Variants in UBE2Z observed in about 807,000 individuals in gnomAD.
UBE2Z encodes the protein ubiquitin-conjugating enzyme E2 Z.
UBE2Z carries 10 observed loss-of-function variants against 32.6 expected under a neutral mutation model. The ratio of observed to expected loss-of-function variants is 0.31; its 90% CI spans 0.19 to 0.52. The LOEUF is 0.52. UBE2Z is among the 20% of genes least tolerant of loss of function. The pLI, the probability that UBE2Z is intolerant of heterozygous loss-of-function variation, is 0.97. For missense variants in UBE2Z, 343 were observed against 480.9 expected (o/e 0.71, Z 2.68); for synonymous variants, 183 against 190.8 (o/e 0.96, Z 0.34).
At chr17:48,910,767 C>T (rs752701308) in intron 1 of UBE2Z, 41 bp from the exon 2 acceptor site, 5 of 1,496,850 alleles carry the variant, frequency 3.3e-6, no homozygotes, top group Non-Finnish European at 3.7e-6. Context: ...CTTTCCCCCT[C>T]TTCCTCACTC....
chr17:48,915,799 C>T (rs899654898), intron 3 of UBE2Z: 1 of 352,966 alleles, frequency 2.8e-6, no homozygotes, highest in Non-Finnish European at 5.1e-6. Context: ...TTTTGATTGT[C>T]GTAACTGTTT....
chr17:48,924,204 G>A (rs184894556), intron 6 of UBE2Z, among the ~76,000 whole-genome samples: 1 of 152,260 alleles, frequency 6.6e-6, no homozygotes, highest in East Asian at 1.9e-4. Context: ...CCTGGGTTCA[G>A]GTGATCCTCC....
In UBE2Z at chr17:48,927,449, C is replaced by T. The variant is rs2040805866; in HGVS notation, c.*315C>T. On this transcript the variant is annotated 3_prime_UTR_variant, in exon 7 of 7. Coordinates refer to ENST00000360943, the MANE Select transcript of UBE2Z (RefSeq NM_023079.5). ...CAACCAACACACCTCTCCACAGGGC[C>T]AGCTCCTTAGGGATAAGTGGAAGAT... 3.6e-6 allele frequency: 1 copy of T among 280,136 alleles called. No homozygotes were observed. Among genetic ancestry groups the T allele is most frequent in the Non-Finnish European group, 7.0e-6 (1 of 142,832 alleles). The allele number at this position is 280,136 out of a possible 1,614,324, so 17.4% of individuals were successfully genotyped here.
In UBE2Z at chr17:48,921,189, T is replaced by C. The variant is rs1364394166; in HGVS notation, c.720T>C (p.Tyr240=). The change falls in exon 5 of 7, where the codon TAT becomes TAC. Residue 240 remains tyrosine, a synonymous_variant. Coordinates refer to ENST00000360943, the MANE Select transcript of UBE2Z (RefSeq NM_023079.5). ...GACATCCAGGAGACAGCAAAAACTA[T>C]AATGAATGTATCCGGCACGAGACCA... is the stretch of plus-strand genomic sequence containing the variant. The part of the protein sequence containing the change: ...QERHPGDSKN[Y]NECIRHETIR... The C allele has an allele frequency of 6.2e-7, 1 of 1,612,408 alleles. No individual in the cohort carries two copies. The highest frequency in any genetic ancestry group is 8.5e-7 in the Non-Finnish European group (1 of 1,179,244).
chr17:48,928,968 A>C lies in UBE2Z; in HGVS notation c.*1834A>C, dbSNP rs1049556817. On this transcript the variant is annotated 3_prime_UTR_variant, in exon 7 of 7. Transcript: ENST00000360943. ...GGAAATATATGCACAGGAGTCAAAGAGATGTCTTTATATCTGACTGTATAT... is the reference window on the plus strand; with the variant it reads ...GGAAATATATGCACAGGAGTCAAAGCGATGTCTTTATATCTGACTGTATAT... The C allele has an allele frequency of 6.6e-6, 1 of 152,650 alleles. No individual in the cohort carries two copies. The highest frequency in any genetic ancestry group is 2.4e-5 in the African/African-American group (1 of 41,454). 9.5% of individuals were successfully genotyped at this position (152,650 alleles called of 1,614,324 possible).
chr17:48,908,897 A>C (rs1476408334), intron 1 of UBE2Z, 77 bp downstream of exon 1: 90 of 852,354 alleles, frequency 1.1e-4, no homozygotes, highest in East Asian at 3.4e-4. Flanking sequence ...CTCCCACTAC[A>C]ACTCACCCCC....
In UBE2Z at chr17:48,908,467, G is replaced by T; in HGVS notation, c.-37G>T. Reference sequence around the variant, plus strand: ...GGGAGCAGCGGCCGCTCTGGTCGGCGGACGTGCTGCCGAGTAGTCCCGGAA... The same window carrying T: ...GGGAGCAGCGGCCGCTCTGGTCGGCTGACGTGCTGCCGAGTAGTCCCGGAA... On this transcript the variant is annotated 5_prime_UTR_variant, in exon 1 of 7. Coordinates refer to ENST00000360943, the MANE Select transcript of UBE2Z (RefSeq NM_023079.5). The T allele has an allele frequency of 6.5e-6, 8 of 1,228,518 alleles. No homozygotes were observed. The highest frequency in any genetic ancestry group is 4.2e-5 in the Admixed American group (1 of 23,580). 76.1% of individuals were successfully genotyped at this position (1,228,518 alleles called of 1,614,324 possible).
chr17:48,927,143 C>T lies in UBE2Z; in HGVS notation c.*9C>T. The T allele has an allele frequency of 1.2e-6, 2 of 1,613,136 alleles. No homozygotes were observed. The highest frequency in any genetic ancestry group is 1.7e-6 in the Non-Finnish European group (2 of 1,179,496). Reference sequence around the variant, plus strand: ...GGAGCCTGAGGGTTTAGACCCTGCTCCCATCTCCCCTTCCCCCACTCAAGA... The same window carrying T: ...GGAGCCTGAGGGTTTAGACCCTGCTTCCATCTCCCCTTCCCCCACTCAAGA... On this transcript the variant is annotated 3_prime_UTR_variant, in exon 7 of 7. Transcript: ENST00000360943.
chr17:48,909,201 A>G (rs1289212290), intron 1 of UBE2Z, among the ~76,000 whole-genome samples: 38 of 140,964 alleles, frequency 2.7e-4, no homozygotes, highest in African/African-American at 7.8e-4. Context: ...CCCCACCCCA[A>G]CCTTGCTAGA....
chr17:48,911,860 C>CT (rs1218636251), intron 2 of UBE2Z: 1 of 152,168 alleles, frequency 6.6e-6, no homozygotes, highest in Non-Finnish European at 1.5e-5. Context: ...GAACTATAGA[C>CT]TTAGGCATTG....
intron 1 of UBE2Z, chr17:48,909,067 C>T (rs1488099379): frequency 4.4e-6 from 1 of 227,626 alleles, no homozygotes; most frequent in East Asian, 9.8e-5. Context: ...GACAACCTCC[C>T]GTGAGCCCTC....
At chr17:48,925,710 G>T (rs2040793011) in intron 6 of UBE2Z, among the ~76,000 whole-genome samples, 1 of 152,186 alleles carries the variant, frequency 6.6e-6, no homozygotes, top group African/African-American at 2.4e-5. Context: ...AGGAGCTGGA[G>T]CCACGGATGA....
rs2040646972 is a variant in UBE2Z at position 48,908,593 on chromosome 17, T to TAGCGGC, written c.97_102dup (p.Ser33_Gly34dup). ...GCAGCGTTGCTGGTGTTGTTGGCGT[T>TAGCGGC]AGCGGCAGCGGCGGCGGGTTCGGGC... On this transcript the variant is annotated inframe_insertion, in exon 1 of 7. Coordinates refer to ENST00000360943, the MANE Select transcript of UBE2Z (RefSeq NM_023079.5). 8.1e-7 allele frequency: 1 copy of TAGCGGC among 1,239,150 alleles called. No homozygotes were observed. Among genetic ancestry groups the TAGCGGC allele is most frequent in the South Asian group, 4.1e-5 (1 of 24,344 alleles). 76.8% of individuals were successfully genotyped at this position (1,239,150 alleles called of 1,614,324 possible).
At chr17:48,923,769 G>A (rs1461102333) in intron 6 of UBE2Z, among the ~76,000 whole-genome samples, 1 of 146,456 alleles carries the variant, frequency 6.8e-6, no homozygotes, top group Non-Finnish European at 1.5e-5. Flanking sequence ...TTCTCACTCT[G>A]TTACTCAGGC....
chr17:48,925,671 G>A (rs765922849), intron 6 of UBE2Z, among the ~76,000 whole-genome samples: 3 of 152,214 alleles, frequency 2.0e-5, no homozygotes, highest in Non-Finnish European at 2.9e-5. Flanking sequence ...ATGGGAGGGA[G>A]TACAGCATCT....
rs527679814 is a variant in UBE2Z at position 48,927,307 on chromosome 17, G to C, written c.*173G>C. On this transcript the variant is annotated 3_prime_UTR_variant, in exon 7 of 7. Coordinates refer to ENST00000360943, the MANE Select transcript of UBE2Z (RefSeq NM_023079.5). ...GGTGTGGGAGTGGGGGCCTGTTCCCGGTCTGACCTCCTTGGCACTGGAGCA... is the reference window on the plus strand; with the variant it reads ...GGTGTGGGAGTGGGGGCCTGTTCCCCGTCTGACCTCCTTGGCACTGGAGCA... 3.0e-6 allele frequency: 2 copies of C among 673,928 alleles called. No individual in the cohort carries two copies. The highest frequency in any genetic ancestry group is 2.9e-5 in the Admixed American group (1 of 34,250). The allele number at this position is 673,928 out of a possible 1,614,324, so 41.7% of individuals were successfully genotyped here. A position where few individuals can be genotyped will look rare whatever the true frequency, so the allele number is the denominator to read the frequency against.
intron 6 of UBE2Z, among the ~76,000 whole-genome samples, chr17:48,925,982 A>G (rs555589475): frequency 1.4e-4 from 22 of 152,194 alleles, no homozygotes; most frequent in Non-Finnish European, 2.9e-4. Context: ...AAGTCCCTAT[A>G]TAGTATTTTA....
At chr17:48,910,282 G>C (rs1033988364) in intron 1 of UBE2Z, 2 of 154,000 alleles carry the variant, frequency 1.3e-5, no homozygotes, top group African/African-American at 4.8e-5. Flanking sequence ...GACACCCCTG[G>C]GCAAGAAGGC....
chr17:48,917,434 T>C (rs2040728654), intron 4 of UBE2Z, among the ~76,000 whole-genome samples: 2 of 152,180 alleles, frequency 1.3e-5, no homozygotes, highest in Admixed American at 1.3e-4. Flanking sequence ...TTGGGGGTTG[T>C]GGCATCCAGT....
Sources: allele counts gnomAD v4.1 joint callset (sites outside exome capture counted in the v4.1 genomes callset), GRCh38; gene constraint gnomAD v4.1.1; transcripts MANE v1.5; gene names NCBI Gene and HGNC (gene_info 2026-07-23, HGNC 2026-07-21).